Variants in RANBP2 observed in about 807,000 individuals in gnomAD.
RANBP2 encodes RAN binding protein 2.
RANBP2 carries 57 observed loss-of-function variants against 303.6 expected under a neutral mutation model. That is an observed-to-expected ratio of 0.19 (90% CI 0.15 to 0.23). The LOEUF is 0.23. Among genes scored for constraint, RANBP2 ranks in the 10% least tolerant of loss-of-function variants. The probability of loss-of-function intolerance (pLI) is 1.00; values close to 1 mark genes in which losing one functional copy is unlikely to be tolerated. For synonymous variants in RANBP2, 1,167 were observed against 1,301.5 expected (o/e 0.90, Z 2.23); for missense variants, 3,138 against 3,780.8 (o/e 0.83, Z 4.46).
chr2:109,685,183 T>C, the RANBP2 span, among the ~76,000 whole-genome samples: 1 of 152,226 alleles, frequency 6.6e-6, no homozygotes, highest in Non-Finnish European at 1.5e-5. Context: ...CTCTTTCTTT[T>C]TTAATAGCTG....
At chr2:108,915,891 C>T in the RANBP2 span, among the ~76,000 whole-genome samples, 1 of 151,526 alleles carries the variant, frequency 6.6e-6, no homozygotes, top group Admixed American at 6.6e-5. Context: ...GAGCGAAACT[C>T]CATCTCAAAA....
the RANBP2 span, among the ~76,000 whole-genome samples, chr2:108,984,825 G>A: frequency 1.3e-5 from 2 of 152,110 alleles, no homozygotes; most frequent in African/African-American, 4.8e-5. Flanking sequence ...CCAGCATGGT[G>A]CCTGGCATGT....
At chr2:109,437,856 G>A in the RANBP2 span, among the ~76,000 whole-genome samples, 1 of 152,164 alleles carries the variant, frequency 6.6e-6, no homozygotes, top group Non-Finnish European at 1.5e-5. Context: ...GCTGATGCTG[G>A]ATTCGCAGGA....
the RANBP2 span, among the ~76,000 whole-genome samples, chr2:108,908,180 G>A: frequency 2.0e-5 from 3 of 152,182 alleles, no homozygotes; most frequent in South Asian, 6.2e-4. Context: ...CGGGACCAGG[G>A]GACATGAGAC....
chr2:109,146,075 G>A, the RANBP2 span, among the ~76,000 whole-genome samples: 1 of 149,232 alleles, frequency 6.7e-6, no homozygotes, highest in Non-Finnish European at 1.5e-5. Flanking sequence ...GAAAAGTGCT[G>A]AGAGAGGTAC....
chr2:109,350,475 G>A, the RANBP2 span, among the ~76,000 whole-genome samples: 22 of 152,294 alleles, frequency 1.4e-4, no homozygotes, highest in East Asian at 3.5e-3. Flanking sequence ...GCTGTGACAC[G>A]ACCTTCCTGC....
At chr2:109,326,815 G>A in the RANBP2 span, among the ~76,000 whole-genome samples, 103 of 152,318 alleles carry the variant, frequency 6.8e-4, no homozygotes, top group Admixed American at 5.3e-3. Context: ...TTAGGGGGAC[G>A]CCTGTCTCAT....
the RANBP2 span, among the ~76,000 whole-genome samples, chr2:109,531,402 C>T: frequency 6.6e-6 from 1 of 152,218 alleles, no homozygotes; most frequent in Non-Finnish European, 1.5e-5. Context: ...TGACAGCCAT[C>T]TGGCACTGCG....
chr2:109,530,975 G>A, the RANBP2 span, among the ~76,000 whole-genome samples: 1 of 152,102 alleles, frequency 6.6e-6, no homozygotes, highest in African/African-American at 2.4e-5. Flanking sequence ...TCTGGAAGAG[G>A]GAAAGAGGGA....
chr2:108,905,354 G>T, the RANBP2 span, among the ~76,000 whole-genome samples: 1 of 152,238 alleles, frequency 6.6e-6, no homozygotes, highest in Non-Finnish European at 1.5e-5. Flanking sequence ...GCCATGCCAG[G>T]TGAGATCAGG....
At chr2:109,472,315 C>T in the RANBP2 span, among the ~76,000 whole-genome samples, 26 of 151,586 alleles carry the variant, frequency 1.7e-4, no homozygotes, top group African/African-American at 6.3e-4. Context: ...AGGGGCCTCC[C>T]GGGCCCTCCT....
chr2:109,794,915 C>T, the RANBP2 span: 26 of 29,070 alleles, frequency 8.9e-4, no homozygotes, highest in Non-Finnish European at 1.2e-3. Context: ...GCCTAGTTCT[C>T]GGGGGCTTGG....
At chr2:108,930,277 C>T in the RANBP2 span, 1 of 1,613,766 alleles carries the variant, frequency 6.2e-7, no homozygotes, top group Non-Finnish European at 8.5e-7. Context: ...GCCTCCGTAC[C>T]TCCTTAGAAA....
At chr2:109,501,393 G>A in the RANBP2 span, 1 of 566,836 alleles carries the variant, frequency 1.8e-6, no homozygotes, top group Non-Finnish European at 3.2e-6. Flanking sequence ...TGTATAAAGT[G>A]GGAAAATAGC....
At chr2:109,190,264 C>T in the RANBP2 span, among the ~76,000 whole-genome samples, 4 of 152,086 alleles carry the variant, frequency 2.6e-5, no homozygotes, top group Non-Finnish European at 5.9e-5. Flanking sequence ...ACCTCCGCCT[C>T]GCGGGTTCAA....
At chr2:109,359,346 A>C in the RANBP2 span, among the ~76,000 whole-genome samples, 6 of 152,256 alleles carry the variant, frequency 3.9e-5, no homozygotes, top group South Asian at 1.0e-3. Context: ...TGTTAAATCT[A>C]TACAACAAGT....
chr2:109,736,986 A>G, the RANBP2 span, among the ~76,000 whole-genome samples: 1 of 152,172 alleles, frequency 6.6e-6, no homozygotes, highest in Non-Finnish European at 1.5e-5. Flanking sequence ...TCATGTTACA[A>G]ATAAGTGAGT....
chr2:109,564,320 C>G, the RANBP2 span: 1 of 1,444,282 alleles, frequency 6.9e-7, no homozygotes. Context: ...ATATGCAATC[C>G]TCTCTAACTT....
At chr2:108,800,771 T>C in the RANBP2 span, among the ~76,000 whole-genome samples, 2 of 114,664 alleles carry the variant, frequency 1.7e-5, no homozygotes, top group Non-Finnish European at 1.8e-5. Flanking sequence ...ATGCTATCCC[T>C]CCCCACTCCC....
Sources: gnomAD v4.1 joint callset for allele counts (sites outside exome capture counted in the v4.1 genomes callset) on GRCh38, gnomAD v4.1.1 for gene constraint, MANE v1.5 for transcripts, NCBI Gene and HGNC (gene_info 2026-07-23, HGNC 2026-07-21) for gene names.